FN1: variants seen among roughly 807,000 people sequenced by gnomAD.
FN1 encodes the protein fibronectin 1.
Under a neutral mutation model 297.3 loss-of-function variants are expected in FN1, and 106 were observed. The ratio of observed to expected loss-of-function variants is 0.36; its 90% CI spans 0.30 to 0.42. FN1 has a LOEUF of 0.42. Among genes scored for constraint, FN1 ranks in the 10% least tolerant of loss-of-function variants. The pLI, the probability that FN1 is intolerant of heterozygous loss-of-function variation, is 1.00. For synonymous variants in FN1, 1,149 were observed against 1,152.6 expected (o/e 1.00, Z 0.06); for missense variants, 2,690 against 3,124.9 (o/e 0.86, Z 3.32).
In FN1 at chr2:215,433,249, A is replaced by G. The variant is rs1240481586; in HGVS notation, c.415+75T>C. 13 of 1,575,934 alleles carry G rather than the reference A, an allele frequency of 8.2e-6. No homozygotes were observed. In the East Asian group the frequency reaches 2.9e-4, roughly 35 times the overall value. On this transcript the variant is annotated intron_variant, in intron 3 of 45. Coordinates refer to ENST00000354785, the MANE Select transcript of FN1 (RefSeq NM_212482.4). Reference sequence around the variant, plus strand: ...TTCGGAATATCCAGTCATGGATAACAGAAAATGACAGTGATGGTAACAGAG... The same window carrying G: ...TTCGGAATATCCAGTCATGGATAACGGAAAATGACAGTGATGGTAACAGAG...
rs148278567 is a variant in FN1, at chr2:215,372,287, A to G, written c.6336T>C (p.Pro2112=). 163 of 1,614,190 alleles carry G rather than the reference A, an allele frequency of 1.0e-4. No homozygotes were observed. In the African/African-American group the frequency reaches 2.1e-3, roughly 21 times the overall value. The part of the protein sequence containing the change: ...LDVPSTVQKT[P]FVTHPGYDTG... ...TGTCATACCCAGGGTGGGTGACGAA[A>G]GGGGTCTTTTGAACTGTGGAAGGAA... Residue 2112 remains proline (P), a synonymous_variant, in exon 40 of 46, where the codon CCT becomes CCC. Transcript: ENST00000354785.
At chr2:215,389,662 C>T (rs188955567) in intron 26 of FN1, among the ~76,000 whole-genome samples, 25 of 152,032 alleles carry the variant, frequency 1.6e-4, no homozygotes, top group Non-Finnish European at 2.6e-4. Flanking sequence ...TGGTGGCTCA[C>T]GCCTGTAATC....
At chr2:215,409,485 C>T in intron 15 of FN1, 78 bp downstream of exon 15, 1 of 1,403,862 alleles carries the variant, frequency 7.1e-7, no homozygotes, top group Non-Finnish European at 1.0e-6. Context: ...TACCACCTGC[C>T]TAGAGGCCAC....
rs369915549 is a variant in FN1 at position 215,368,044 on chromosome 2, G to C, written c.6854-17C>G. 1.7e-5 allele frequency: 27 copies of C among 1,613,210 alleles called. No homozygotes were observed. The highest frequency in any genetic ancestry group is 2.2e-5 in the Non-Finnish European group (26 of 1,179,612). On this transcript the variant is annotated splice_polypyrimidine_tract_variant and intron_variant, in intron 41 of 45. Transcript: ENST00000354785. ...CTTCGTTGACTATGAAGAAAAGGAA[G>C]AAAAAGCAAAAAGAGACATCTTATT...
chr2:215,366,977 T>G (rs2054760460), intron 42 of FN1, among the ~76,000 whole-genome samples: 1 of 152,234 alleles, frequency 6.6e-6, no homozygotes. Context: ...GGCTGGCTTT[T>G]ACAACTTCAG....
chr2:215,420,096 C>T (rs1177175164), intron 11 of FN1, among the ~76,000 whole-genome samples: 13 of 152,084 alleles, frequency 8.5e-5, no homozygotes, highest in African/African-American at 2.4e-4. Context: ...ATATTTACAC[C>T]CTTTGCTCAT....
At chr2:215,392,858 T>G (rs2059861686) in intron 25 of FN1, 73 bp downstream of exon 25, 2 of 1,539,146 alleles carry the variant, frequency 1.3e-6, no homozygotes. Flanking sequence ...GAAACATCCA[T>G]ATTTAACCGG....
At chr2:215,396,106 C>A (rs959981717) in intron 23 of FN1, among the ~76,000 whole-genome samples, 1 of 152,120 alleles carries the variant, frequency 6.6e-6, no homozygotes, top group Non-Finnish European at 1.5e-5. Context: ...TAGCTCTGTG[C>A]CCCGGCAAAG....
intron 15 of FN1, 74 bp from the exon 16 acceptor site, chr2:215,408,500 G>A (rs374563409): frequency 1.4e-6 from 2 of 1,417,008 alleles, no homozygotes; most frequent in Non-Finnish European, 2.0e-6. Flanking sequence ...TTATAAGAAG[G>A]ATATTTTAAG....
intron 12 of FN1, among the ~76,000 whole-genome samples, chr2:215,417,005 G>T (rs557396207): frequency 6.6e-6 from 1 of 152,294 alleles, no homozygotes; most frequent in South Asian, 2.1e-4. Flanking sequence ...TGTTCAGGAA[G>T]TAAAGAGACT....
At chr2:215,426,622 C>T (rs78904751) in intron 6 of FN1, among the ~76,000 whole-genome samples, 3,319 of 152,164 alleles carry the variant, frequency 0.022, 121 homozygotes, top group African/African-American at 0.076. Context: ...GTCAAACGTA[C>T]TAGGGAGACA....
chr2:215,435,744 G>T lies in FN1; in HGVS notation c.59C>A (p.Ala20Glu), dbSNP rs2067369369. Residue 20 changes from alanine to glutamate, a missense_variant, in exon 1 of 46, where the codon GCG becomes GAG. By Grantham distance (107) the Ala-to-Glu change is moderately radical. Coordinates refer to ENST00000354785, the MANE Select transcript of FN1 (RefSeq NM_212482.4). Reference protein sequence around the residue: ...LLLAVQCLGTAVPSTGASKSK... With the variant: ...LLLAVQCLGTEVPSTGASKSK... ...CTTCGAGGCTCCCGTGGAGGGCACCGCTGTCCCCAGGCACTGGACGGCCAG... is the reference window on the plus strand; with the variant it reads ...CTTCGAGGCTCCCGTGGAGGGCACCTCTGTCCCCAGGCACTGGACGGCCAG... 6.2e-6 allele frequency: 10 copies of T among 1,603,552 alleles called. No homozygotes were observed. Among genetic ancestry groups the T allele is most frequent in the Non-Finnish European group, 6.8e-6 (8 of 1,175,922 alleles).
chr2:215,408,074 A>T, intron 17 of FN1, 34 bp downstream of exon 17: 2 of 1,542,512 alleles, frequency 1.3e-6, no homozygotes, highest in Non-Finnish European at 1.8e-6. Context: ...ATTAAGATTA[A>T]CATAGCAGCC....
chr2:215,425,887 A>G lies in FN1; in HGVS notation c.845-602T>C, dbSNP rs1190961119. 2.0e-5 allele frequency among the ~76,000 whole-genome samples: 3 copies of G among 151,594 alleles called. No homozygotes were observed. In the East Asian group the frequency reaches 5.9e-4, roughly 30 times the overall value. The stretch of plus-strand genomic sequence containing the variant: ...TCGCCTGGCCGGGATTATATTTCTC[A>G]ATCACAGACATCATCCTGCCACTCC... On this transcript the variant is annotated intron_variant, in intron 6 of 45. Transcript: ENST00000354785.
Position 215,394,383 on chromosome 2 carries a change from C to T in FN1, c.3796+145G>A, listed in dbSNP as rs1575507426. 1.8e-5 allele frequency: 14 copies of T among 763,430 alleles called. No homozygotes were observed. The East Asian group carries it at 3.6e-4, about 20-fold the overall frequency. 47.3% of individuals were successfully genotyped at this position (763,430 alleles called of 1,614,324 possible). On this transcript the variant is annotated intron_variant, in intron 24 of 45. Transcript: ENST00000354785. ...GCATTTGTCCAAATCGCTGCTTTGA[C>T]TTCTTGGTTTTGGAAAGTGCAGCTG...
At chr2:215,377,043 TG>T (rs2057394894) in intron 35 of FN1, among the ~76,000 whole-genome samples, 2 of 972 alleles carry the variant, frequency 2.1e-3, no homozygotes, top group Admixed American at 0.028. Flanking sequence ...AACAATTTTG[TG>T]TGTGTGTGTG....
intron 20 of FN1, among the ~76,000 whole-genome samples, chr2:215,400,341 TTATTCTTTCAGA>T (rs1296576520): frequency 1.3e-5 from 2 of 152,332 alleles, no homozygotes; most frequent in East Asian, 3.9e-4. Context: ...AAATACGTGA[TTATTCTTTCAGA>T]ATAATACTGC....
In FN1 at chr2:215,422,212, C is replaced by T. The variant is rs59884263; in HGVS notation, c.1425G>A (p.Gly475=). 6.2e-7 allele frequency: 1 copy of T among 1,613,964 alleles called. No individual in the cohort carries two copies. Among genetic ancestry groups the T allele is most frequent in the East Asian group, 2.2e-5 (1 of 44,878 alleles). The change falls in exon 10 of 46, where the codon GGG becomes GGA. Residue 475 remains glycine (G), a synonymous_variant. Coordinates refer to ENST00000354785, the MANE Select transcript of FN1 (RefSeq NM_212482.4). ...ACTGATCTCCAATGCGGTACATGAC[C>T]CCTTCATTGGTTGTGCAGATTTCCT... ...AHEEICTTNE[G]VMYRIGDQWD...
chr2:215,392,876 G>T, intron 25 of FN1, 55 bp downstream of exon 25: 1 of 1,595,264 alleles, frequency 6.3e-7, no homozygotes, highest in Non-Finnish European at 8.6e-7. Context: ...CGGAGTAACT[G>T]GTGGCAGCAT....
Sources: allele counts gnomAD v4.1 joint callset (sites outside exome capture counted in the v4.1 genomes callset), GRCh38; gene constraint gnomAD v4.1.1; transcripts MANE v1.5; gene names NCBI Gene and HGNC (gene_info 2026-07-23, HGNC 2026-07-21).